NOP2: variants seen among roughly 807,000 people sequenced by gnomAD.
NOP2 encodes the protein 28S rRNA (cytosine(4447)-C(5))-methyltransferase.
A neutral mutation model predicts 72.7 loss-of-function variants in NOP2; 7 were observed. That is an observed-to-expected ratio of 0.10 (90% CI 0.05 to 0.18). The LOEUF (loss-of-function observed/expected upper bound fraction) is 0.18. Among genes scored for constraint, NOP2 ranks in the 10% least tolerant of loss-of-function variants. The probability of loss-of-function intolerance (pLI) is 1.00; values close to 1 mark genes in which losing one functional copy is unlikely to be tolerated. For synonymous variants in NOP2, 387 were observed against 388.0 expected (o/e 1.00, Z 0.03); for missense variants, 954 against 1,014.7 (o/e 0.94, Z 0.81).
chr12:6,561,177 C>T, intron 11 of NOP2, 107 bp from the exon 12 acceptor site: 2 of 1,371,712 alleles, frequency 1.5e-6, no homozygotes, highest in South Asian at 2.7e-5. Flanking sequence ...CACCTCAAGG[C>T]AACTTCGCTC....
chr12:6,560,773 A>G lies in NOP2; in HGVS notation c.1362T>C (p.Phe454=), dbSNP rs750752181. ...GRQFPKVVGG[F]DRVLLDAPCS... is the part of the protein sequence containing the mutation. ...AGGGAGCATCCAGCAGTACTCGGTC[A>G]AAGCCCCCCACCACCTGGAGAAAAG... Residue 454 remains phenylalanine (F), a synonymous_variant, in exon 13 of 16, where the codon TTT becomes TTC. Transcript: ENST00000322166. This position sits in a 1 kb window ranked among gnomAD's most constrained non-coding sequence, Gnocchi z 5.0. 6.2e-7 allele frequency: 1 copy of G among 1,613,250 alleles called. No homozygotes were observed. The highest frequency in any genetic ancestry group is 2.2e-5 in the East Asian group (1 of 44,852).
rs1294293789 is a variant in NOP2 at position 6,557,489 on chromosome 12, T to C, written c.1943A>G (p.Gln648Arg). Reference sequence around the variant, plus strand: ...CCCTTTGGAGATGCCATTCAGCTTCTGGAAGGAGGCCTTCTTGGGATGTTG... The same window carrying C: ...CCCTTTGGAGATGCCATTCAGCTTCCGGAAGGAGGCCTTCTTGGGATGTTG... ...KQQHPKKASFQKLNGISKGAD... is the reference protein window; with the variant it reads ...KQQHPKKASFRKLNGISKGAD... The change falls in exon 16 of 16, where the codon CAG becomes CGG. Residue 648 changes from glutamine to arginine, a missense_variant. By Grantham distance (43) the Gln-to-Arg change is conservative. Transcript: ENST00000322166. 36 of 1,613,910 alleles carry C rather than the reference T, an allele frequency of 2.2e-5. No individual in the cohort carries two copies. Among genetic ancestry groups the C allele is most frequent in the Non-Finnish European group, 3.0e-5 (35 of 1,179,906 alleles).
In NOP2 at chr12:6,567,857, T is replaced by C; in HGVS notation, c.62A>G (p.Gln21Arg). 1 of 1,614,074 alleles carries C rather than the reference T, an allele frequency of 6.2e-7. No homozygotes were observed. The highest frequency in any genetic ancestry group is 8.5e-7 in the Non-Finnish European group (1 of 1,179,900). ...KRGPGRKARK[Q>R]KGAETELVRF... ...GACGAGTTCTGTCTCGGCACCCTTCTGCTTCCGGGCCTTTCGGCCTGGCCC... is the reference window on the plus strand; with the variant it reads ...GACGAGTTCTGTCTCGGCACCCTTCCGCTTCCGGGCCTTTCGGCCTGGCCC... The change falls in exon 2 of 16, where the codon CAG becomes CGG. Residue 21 changes from glutamine to arginine, a missense_variant. By Grantham distance (43) the Gln-to-Arg change is conservative. Around this residue, in one of 3 missense-constraint regions of NOP2, gnomAD observed 498 missense variants for 478.3 expected, o/e 1.04. Transcript: ENST00000322166.
In NOP2 at chr12:6,561,759, G is replaced by A. The variant is rs1040055726; in HGVS notation, c.1112C>T (p.Ala371Val). 2 of 1,611,530 alleles carry A rather than the reference G, an allele frequency of 1.2e-6. No individual in the cohort carries two copies. The highest frequency in any genetic ancestry group is 1.7e-5 in the Admixed American group (1 of 59,466). The part of the protein sequence containing the change: ...YLAGHYMLQG[A>V]SSMLPVMALA... ...GGCCATGACGGGCAACATGCTGGAG[G>A]CTCCCTGCAGCATGTAGTGCCCAGC... Residue 371 changes from alanine (A) to valine (V), a missense_variant, in exon 11 of 16, where the codon GCC (alanine) becomes GTC (valine). Ala to Val is a moderately conservative substitution (Grantham distance 64, BLOSUM62 0). Transcript: ENST00000322166.
chr12:6,557,946 C>T (rs1248907238), intron 15 of NOP2: 2 of 381,722 alleles, frequency 5.2e-6, no homozygotes, highest in Non-Finnish European at 9.7e-6. Context: ...AGTTCAAGAC[C>T]AGCCTAGCCC....
At chr12:6,563,544 G>A (rs756990379) in intron 7 of NOP2, 30 bp from the exon 8 acceptor site, 15 of 1,611,210 alleles carry the variant, frequency 9.3e-6, no homozygotes, top group African/African-American at 1.3e-5. Flanking sequence ...GTGTCATGAT[G>A]TCCTAAGGCC....
chr12:6,563,880 C>T lies in NOP2; in HGVS notation c.530+11G>A, dbSNP rs1947712117. On this transcript the variant is annotated intron_variant, in intron 6 of 15. Coordinates refer to ENST00000322166, the MANE Select transcript of NOP2 (RefSeq NM_001258308.2). ...TTCCTATGCTCCATCCCAATAGCTTCCAAAACTCACCCAGCAGCAGCTTCC... is the reference window on the plus strand; with the variant it reads ...TTCCTATGCTCCATCCCAATAGCTTTCAAAACTCACCCAGCAGCAGCTTCC... The T allele has an allele frequency of 6.8e-6, 11 of 1,613,866 alleles. No homozygotes were observed. The highest frequency in any genetic ancestry group is 9.3e-6 in the Non-Finnish European group (11 of 1,179,820).
rs77566722 is a variant in NOP2, at chr12:6,566,155, C to T, written c.420G>A (p.Thr140=). ...TGGAGTCAGCTCCATAGTCATCTAC[C>T]GTATCAGCATCGTCCTCGGAGCCCC... ...DLWGSEDDAD[T]VDDYGADSNS... Residue 140 remains threonine (T), a synonymous_variant, in exon 5 of 16, where the codon ACG becomes ACA. Coordinates refer to ENST00000322166, the MANE Select transcript of NOP2 (RefSeq NM_001258308.2). 293 of 1,613,942 alleles carry T rather than the reference C, an allele frequency of 1.8e-4. 3 individuals carry two copies. The East Asian group carries it at 6.3e-3, about 35-fold the overall frequency.
In NOP2 at chr12:6,560,787, C is replaced by T. The variant is rs370619507; in HGVS notation, c.1348G>A (p.Val450Met). 1.2e-6 allele frequency: 2 copies of T among 1,612,510 alleles called. No homozygotes were observed. The highest frequency in any genetic ancestry group is 1.7e-6 in the Non-Finnish European group (2 of 1,179,316). The change falls in exon 13 of 16, where the codon GTG becomes ATG. Residue 450 changes from valine (V) to methionine (M), a missense_variant and splice_region_variant. Val to Met is a conservative substitution (Grantham distance 21). This residue lies in a region of NOP2 where 187 missense variants were observed against 276.2 expected (regional missense o/e 0.68). Transcript: ENST00000322166. The surrounding 1 kb of genome is among the most constrained non-coding windows in gnomAD (Gnocchi z 5.0). ...AGTACTCGGTCAAAGCCCCCCACCACCTGGAGAAAAGATACAGATGAATCA... is the reference window on the plus strand; with the variant it reads ...AGTACTCGGTCAAAGCCCCCCACCATCTGGAGAAAAGATACAGATGAATCA... The part of the protein sequence containing the change: ...SHYDGRQFPK[V>M]VGGFDRVLLD...
chr12:6,564,192 C>T lies in NOP2; in HGVS notation c.475-246G>A. 1 of 1,159,896 alleles carries T rather than the reference C, an allele frequency of 8.6e-7. No homozygotes were observed. The highest frequency in any genetic ancestry group is 1.2e-6 in the Non-Finnish European group (1 of 859,962). 71.9% of individuals were successfully genotyped at this position (1,159,896 alleles called of 1,614,324 possible). A position where few individuals can be genotyped will look rare whatever the true frequency, so the allele number is the denominator to read the frequency against. ...TTGGGAAGCTGAGGCAGGAGAATTG[C>T]TTGAACCCGGGAGGTGGAGGTTGCA... On this transcript the variant is annotated intron_variant, in intron 5 of 15. Coordinates refer to ENST00000322166, the MANE Select transcript of NOP2 (RefSeq NM_001258308.2).
intron 5 of NOP2, among the ~76,000 whole-genome samples, chr12:6,564,928 CATT>C (rs1185715654): frequency 6.6e-6 from 1 of 152,048 alleles, no homozygotes; most frequent in East Asian, 1.9e-4. Context: ...GAGTTTTTGG[CATT>C]ATGATCCACA....
intron 5 of NOP2, among the ~76,000 whole-genome samples, chr12:6,565,673 C>T (rs996513235): frequency 6.6e-6 from 1 of 151,842 alleles, no homozygotes; most frequent in Admixed American, 6.6e-5. Flanking sequence ...CGGGATCTCC[C>T]TATGTTGCCC....
rs1016877698 is a variant in NOP2, at chr12:6,557,415, A to G, written c.2017T>C (p.Ser673Pro). 1 of 1,613,950 alleles carries G rather than the reference A, an allele frequency of 6.2e-7. No homozygotes were observed. Among genetic ancestry groups the G allele is most frequent in the Non-Finnish European group, 8.5e-7 (1 of 1,179,876 alleles). ...TGACTGCTATCCTGGAAGCTGGAGG[A>G]AGCTTGGGTCTTTGTGACAGAAGGT... ...TVPSVTKTQA[S>P]SSFQDSSQPA... The change falls in exon 16 of 16, where the codon TCC becomes CCC. Residue 673 changes from serine to proline, a missense_variant. By Grantham distance (74) the Ser-to-Pro change is moderately conservative. Coordinates refer to ENST00000322166, the MANE Select transcript of NOP2 (RefSeq NM_001258308.2).
intron 9 of NOP2, 103 bp downstream of exon 9, chr12:6,562,978 G>T: frequency 8.6e-7 from 1 of 1,156,376 alleles, no homozygotes; most frequent in Non-Finnish European, 1.3e-6. Flanking sequence ...ATCATGCTTA[G>T]GTCCTAAGGC....
chr12:6,560,001 T>A lies in NOP2; in HGVS notation c.1789+97A>T. 1.1e-6 allele frequency: 1 copy of A among 890,052 alleles called. No homozygotes were observed. The highest frequency in any genetic ancestry group is 1.8e-6 in the Non-Finnish European group (1 of 567,128). 55.1% of individuals were successfully genotyped at this position (890,052 alleles called of 1,614,324 possible). A position where few individuals can be genotyped will look rare whatever the true frequency, so the allele number is the denominator to read the frequency against. On this transcript the variant is annotated intron_variant, in intron 15 of 15. Transcript: ENST00000322166. The surrounding 1 kb of genome is among the most constrained non-coding windows in gnomAD (Gnocchi z 5.0). ...TGCAAAGGCTGGAGTAAGGGATGCA[T>A]GAATCTTTCCTTTCCCTTCCTCTTG...
At chr12:6,561,116 TCCACACTTGCTC>T in intron 11 of NOP2, 46 bp from the exon 12 acceptor site, 1 of 1,603,554 alleles carries the variant, frequency 6.2e-7, no homozygotes, top group Non-Finnish European at 8.5e-7. Flanking sequence ...TTCCACTGTC[TCCACACTTGCTC>T]CCACCCTCCT....
At chr12:6,561,836 T>G in intron 10 of NOP2, 32 bp from the exon 11 acceptor site, 1 of 1,608,870 alleles carries the variant, frequency 6.2e-7, no homozygotes, top group Non-Finnish European at 8.5e-7. Flanking sequence ...TGACATGCGG[T>G]AGGGACAGGG....
At position 6,560,405 on chromosome 12, in the gene NOP2, C is replaced by T. The variant is rs1303796850; in HGVS notation, c.1560+42G>A. The T allele has an allele frequency of 1.3e-6, 2 of 1,595,296 alleles. No homozygotes were observed. The highest frequency in any genetic ancestry group is 1.7e-6 in the Non-Finnish European group (2 of 1,168,674). ...GGGAGCTCTAAGGGGCAAAGAGCCCCCCAGCCCAGCCTCCCCTGCTCTGCC... is the reference window on the plus strand; with the variant it reads ...GGGAGCTCTAAGGGGCAAAGAGCCCTCCAGCCCAGCCTCCCCTGCTCTGCC... On this transcript the variant is annotated intron_variant, in intron 14 of 15. Coordinates refer to ENST00000322166, the MANE Select transcript of NOP2 (RefSeq NM_001258308.2). The surrounding 1 kb of genome is among the most constrained non-coding windows in gnomAD (Gnocchi z 5.0).
In NOP2 at chr12:6,557,191, C is replaced by T; in HGVS notation, c.2241G>A (p.Gln747=). The change falls in exon 16 of 16, where the codon CAG becomes CAA. Residue 747 remains glutamine, a synonymous_variant. Transcript: ENST00000322166. The stretch of plus-strand genomic sequence containing the variant: ...CAACCCCCTTGGCCCTTCCAAGGGG[C>T]TGATGATGGTCCTTAGGTTTCAGGG... ...QATLKPKDHH[Q]PLGRAKGVEK... The T allele has an allele frequency of 6.2e-7, 1 of 1,614,018 alleles. No individual in the cohort carries two copies. The highest frequency in any genetic ancestry group is 8.5e-7 in the Non-Finnish European group (1 of 1,179,878).
Sources: gnomAD v4.1 joint callset for allele counts (sites outside exome capture counted in the v4.1 genomes callset) on GRCh38, gnomAD v4.1.1 for gene constraint, gnomAD v4.1.1 regional missense constraint, Gnocchi (gnomAD v3.1) non-coding constraint, MANE v1.5 for transcripts, NCBI Gene and HGNC (gene_info 2026-07-23, HGNC 2026-07-21) for gene names.